Variants in TUBG2 observed in about 807,000 individuals in gnomAD.
TUBG2 encodes tubulin gamma 2, also known as tubulin gamma-2 chain.
TUBG2 carries 39 observed loss-of-function variants against 55.1 expected under a neutral mutation model. The ratio of observed to expected loss-of-function variants is 0.71; its 90% CI spans 0.55 to 0.93. The LOEUF (loss-of-function observed/expected upper bound fraction) is 0.93, where lower values mean the gene tolerates loss of function less well. Ranked by LOEUF, TUBG2 falls within the 40% of genes least tolerant of loss-of-function variation. The probability of loss-of-function intolerance (pLI) is 0.00; values close to 1 mark genes in which losing one functional copy is unlikely to be tolerated. For missense variants in TUBG2, 358 were observed against 599.1 expected (o/e 0.60, Z 4.20); for synonymous variants, 223 against 241.0 (o/e 0.93, Z 0.69).
chr17:42,665,560 C>T lies in TUBG2; in HGVS notation c.691C>T (p.Leu231=), dbSNP rs1306053363. 7 of 1,614,182 alleles carry T rather than the reference C, an allele frequency of 4.3e-6. No homozygotes were observed. The South Asian group carries it at 7.7e-5, about 18-fold the overall frequency. The part of the protein sequence containing the change: ...QNPSFSQINQ[L]VSTIMSASTT... ...CCCGTCCTTCTCCCAGATCAACCAG[C>T]TGGTGGGCCCCCACTCCCGGACTCC... The change falls in exon 7 of 11, where the codon CTG becomes TTG. Residue 231 remains leucine, a splice_region_variant and synonymous_variant. Coordinates refer to ENST00000251412, the MANE Select transcript of TUBG2 (RefSeq NM_016437.3).
chr17:42,659,553 G>A lies in TUBG2; in HGVS notation c.49+1G>A, dbSNP rs1274353706. ...CAGCTGGGCCAGTGCGGCAACCAGA[G>A]TGAGCAAGCGAGCGCCGGCCCCGCC... On this transcript the variant is annotated splice_donor_variant, in intron 1 of 10. Transcript: ENST00000251412. LOFTEE classifies it high-confidence loss of function. The A allele has an allele frequency of 2.6e-6, 4 of 1,543,706 alleles. No homozygotes were observed. The highest frequency in any genetic ancestry group is 2.6e-6 in the Non-Finnish European group (3 of 1,143,938).
chr17:42,663,118 C>T, intron 5 of TUBG2, 66 bp downstream of exon 5: 2 of 1,546,176 alleles, frequency 1.3e-6, no homozygotes, highest in Middle Eastern at 1.8e-4. Context: ...GCTTTTTTCT[C>T]TTGAGCTAGA....
intron 6 of TUBG2, among the ~76,000 whole-genome samples, chr17:42,664,482 C>T (rs1158106646): frequency 6.6e-6 from 1 of 151,944 alleles, no homozygotes; most frequent in Non-Finnish European, 1.5e-5. Flanking sequence ...GTGAATATAC[C>T]TTCCCCACAC....
chr17:42,659,509 C>A lies in TUBG2; in HGVS notation c.6C>A (p.Pro2=). The change falls in exon 1 of 11, where the codon CCC becomes CCA. Residue 2 remains proline (P), a synonymous_variant. Coordinates refer to ENST00000251412, the MANE Select transcript of TUBG2 (RefSeq NM_016437.3). Reference sequence around the variant, plus strand: ...GCGCCCACGTCTGAAGAGCGATGCCCCGGGAGATCATCACCCTGCAGCTGG... The same window carrying A: ...GCGCCCACGTCTGAAGAGCGATGCCACGGGAGATCATCACCCTGCAGCTGG... M[P]REIITLQLGQ... 1.3e-6 allele frequency: 2 copies of A among 1,553,440 alleles called. No homozygotes were observed. The highest frequency in any genetic ancestry group is 2.0e-5 in the Admixed American group (1 of 51,060).
At position 42,659,562 on chromosome 17, in the gene TUBG2, C is replaced by G; in HGVS notation, c.49+10C>G. The stretch of plus-strand genomic sequence containing the variant: ...CAGTGCGGCAACCAGAGTGAGCAAG[C>G]GAGCGCCGGCCCCGCCGGTCTCTGG... On this transcript the variant is annotated intron_variant, in intron 1 of 10. Transcript: ENST00000251412. 1.3e-6 allele frequency: 2 copies of G among 1,529,872 alleles called. No individual in the cohort carries two copies. The highest frequency in any genetic ancestry group is 1.8e-6 in the Non-Finnish European group (2 of 1,137,414). The allele number at this position is 1,529,872 out of a possible 1,614,324, so 94.8% of individuals were successfully genotyped here. A position where few individuals can be genotyped will look rare whatever the true frequency, so the allele number is the denominator to read the frequency against.
In TUBG2 at chr17:42,659,461, ACT is replaced by A; in HGVS notation, c.-39_-38del. On this transcript the variant is annotated 5_prime_UTR_variant, in exon 1 of 11. Transcript: ENST00000251412. ...CTGCCGGGCATTCGTCTCAGCCGTG[ACT>A]CTCGCCAGGCCGGGGCTGGCGCGCC... is the stretch of plus-strand genomic sequence containing the variant. 1 of 1,538,298 alleles carries A rather than the reference ACT, an allele frequency of 6.5e-7. No homozygotes were observed. The highest frequency in any genetic ancestry group is 8.8e-7 in the Non-Finnish European group (1 of 1,141,590).
intron 1 of TUBG2, 64 bp downstream of exon 1, chr17:42,659,616 C>A: frequency 1.3e-6 from 2 of 1,499,282 alleles, no homozygotes; most frequent in Non-Finnish European, 9.0e-7. Context: ...CACCCAAGTG[C>A]CTGGCTTCCA....
At chr17:42,665,617 C>T (rs372473654) in intron 7 of TUBG2, 55 bp downstream of exon 7, 170 of 1,613,982 alleles carry the variant, frequency 1.1e-4, no homozygotes, top group Admixed American at 1.8e-4. Flanking sequence ...GCTGGAGGGT[C>T]ATCTGGGGAA....
Position 42,666,871 on chromosome 17 carries a change from C to T in TUBG2, c.*71C>T. The T allele has an allele frequency of 6.5e-7, 1 of 1,537,486 alleles. No individual in the cohort carries two copies. Among genetic ancestry groups the T allele is most frequent in the East Asian group, 2.3e-5 (1 of 43,914 alleles). On this transcript the variant is annotated 3_prime_UTR_variant, in exon 11 of 11. Transcript: ENST00000251412. ...CTCGACCATGCCTGCTCCCTCTGAC[C>T]CAGCTTCACCTCATGGACAACCCTT...
At position 42,665,809 on chromosome 17, in the gene TUBG2, G is replaced by T. The variant is rs375295846; in HGVS notation, c.825G>T (p.Pro275=). 9 of 1,613,982 alleles carry T rather than the reference G, an allele frequency of 5.6e-6. No homozygotes were observed. The highest frequency in any genetic ancestry group is 1.7e-5 in the Admixed American group (1 of 59,992). ...RLHFLMTGYT[P]LTTDQSVASV... ...ACTTCCTCATGACCGGCTACACCCC[G>T]CTCACTACAGACCAGTCAGTAAGAG... The change falls in exon 8 of 11, where the codon CCG becomes CCT. Residue 275 remains proline (P), a synonymous_variant. Coordinates refer to ENST00000251412, the MANE Select transcript of TUBG2 (RefSeq NM_016437.3).
rs1233899293 is a variant in TUBG2 at position 42,659,471 on chromosome 17, G to C, written c.-33G>C. On this transcript the variant is annotated 5_prime_UTR_variant, in exon 1 of 11. Coordinates refer to ENST00000251412, the MANE Select transcript of TUBG2 (RefSeq NM_016437.3). ...TTCGTCTCAGCCGTGACTCTCGCCA[G>C]GCCGGGGCTGGCGCGCCCACGTCTG... The C allele has an allele frequency of 1.9e-6, 3 of 1,543,084 alleles. No homozygotes were observed. Among genetic ancestry groups the C allele is most frequent in the Admixed American group, 2.0e-5 (1 of 49,756 alleles).
At chr17:42,662,896 C>T in intron 4 of TUBG2, 77 bp from the exon 5 acceptor site, 1 of 1,455,078 alleles carries the variant, frequency 6.9e-7, no homozygotes, top group South Asian at 1.2e-5. Context: ...GGTAAGACCC[C>T]ACCCATCTGG....
At position 42,666,948 on chromosome 17, in the gene TUBG2, C is replaced by T. The variant is rs1203937610; in HGVS notation, c.*148C>T. 5 of 761,394 alleles carry T rather than the reference C, an allele frequency of 6.6e-6. No homozygotes were observed. Among genetic ancestry groups the T allele is most frequent in the African/African-American group, 1.8e-5 (1 of 57,006 alleles). The allele number at this position is 761,394 out of a possible 1,614,324, so 47.2% of individuals were successfully genotyped here. ...GGTCCTGCTTCCTCCCTTCCATGCC[C>T]TAACTTTTAATATGCTTGTTCAGCT... On this transcript the variant is annotated 3_prime_UTR_variant, in exon 11 of 11. Transcript: ENST00000251412.
Position 42,666,958 on chromosome 17 carries a change from A to G in TUBG2, c.*158A>G, listed in dbSNP as rs1050366380. 11 of 699,726 alleles carry G rather than the reference A, an allele frequency of 1.6e-5. No homozygotes were observed. The African/African-American group carries it at 1.8e-4, about 11-fold the overall frequency. 43.3% of individuals were successfully genotyped at this position (699,726 alleles called of 1,614,324 possible). On this transcript the variant is annotated 3_prime_UTR_variant, in exon 11 of 11. Coordinates refer to ENST00000251412, the MANE Select transcript of TUBG2 (RefSeq NM_016437.3). ...CCTCCCTTCCATGCCCTAACTTTTAATATGCTTGTTCAGCTCTAATAAAGT... is the reference window on the plus strand; with the variant it reads ...CCTCCCTTCCATGCCCTAACTTTTAGTATGCTTGTTCAGCTCTAATAAAGT...
Position 42,665,503 on chromosome 17 carries a change from C to T in TUBG2, c.634C>T (p.Arg212Trp), listed in dbSNP as rs748240168. Residue 212 changes from arginine to tryptophan, a missense_variant, in exon 7 of 11, where the codon CGG becomes TGG. Physicochemically the swap from Arg to Trp is moderately radical, Grantham distance 101 (BLOSUM62 -3). This residue lies in a region of TUBG2 where 52 missense variants were observed against 53.8 expected (regional missense o/e 0.97). Transcript: ENST00000251412. ...VVVLDNTALN[R>W]IATDRLHIQN... ...GGTGCTGGACAACACAGCCCTGAACCGGATTGCCACAGACCGCCTGCACAT... is the reference window on the plus strand; with the variant it reads ...GGTGCTGGACAACACAGCCCTGAACTGGATTGCCACAGACCGCCTGCACAT... 8.1e-6 allele frequency: 13 copies of T among 1,614,044 alleles called. No homozygotes were observed. The highest frequency in any genetic ancestry group is 2.2e-5 in the East Asian group (1 of 44,896).
In TUBG2 at chr17:42,659,321, AGGTTG is replaced by A. The variant is rs2143510742; in HGVS notation, c.-180_-176del. On this transcript the variant is annotated 5_prime_UTR_variant, in exon 1 of 11. An upstream open reading frame in the 5' UTR loses its in-frame stop. Transcript: ENST00000251412. ...ACTGCTGAGGGAGAAAATGATGCCCAGGTTGGGCTCCCCGGCCCACCGGCCGAGGA... is the reference window on the plus strand; with the variant it reads ...ACTGCTGAGGGAGAAAATGATGCCCAGGCTCCCCGGCCCACCGGCCGAGGA... The A allele has an allele frequency of 1.8e-6, 1 of 558,554 alleles. No individual in the cohort carries two copies. Among genetic ancestry groups the A allele is most frequent in the East Asian group, 3.3e-5 (1 of 29,964 alleles). The allele number at this position is 558,554 out of a possible 1,614,324, so 34.6% of individuals were successfully genotyped here.
At chr17:42,666,010 T>C in intron 8 of TUBG2, 77 bp from the exon 9 acceptor site, 3 of 1,606,460 alleles carry the variant, frequency 1.9e-6, no homozygotes, top group South Asian at 2.2e-5. Flanking sequence ...TCCCTCTGCC[T>C]TTGGCTTCTG....
intron 8 of TUBG2, 127 bp downstream of exon 8, chr17:42,665,954 G>T (rs932566430): frequency 6.3e-7 from 1 of 1,587,238 alleles, no homozygotes; most frequent in Non-Finnish European, 8.6e-7. Flanking sequence ...TGCGCTCAGG[G>T]ACTGGCACAG....
chr17:42,660,902 C>T (rs753482110), intron 4 of TUBG2, 195 bp downstream of exon 4: 16 of 558,416 alleles, frequency 2.9e-5, no homozygotes, highest in Admixed American at 1.2e-4. Context: ...CTGAATGGCA[C>T]CGGCCCCTTA....
Sources: allele counts gnomAD v4.1 joint callset (sites outside exome capture counted in the v4.1 genomes callset), GRCh38; gene constraint gnomAD v4.1.1; regional missense constraint gnomAD v4.1.1; transcripts MANE v1.5; gene names NCBI Gene and HGNC (gene_info 2026-07-23, HGNC 2026-07-21).